SIM2: variants seen among roughly 807,000 people sequenced by gnomAD.
SIM2 encodes the protein SIM bHLH transcription factor 2, also known as single-minded homolog 2.
Under a neutral mutation model 64.8 loss-of-function variants are expected in SIM2, and 28 were observed. The observed-to-expected ratio is 0.43, with a 90% CI of 0.32 to 0.59. The LOEUF is 0.59. SIM2 is among the 20% of genes least tolerant of loss of function. SIM2 has a pLI of 0.07. For synonymous variants in SIM2, 408 were observed against 391.1 expected (o/e 1.04, Z -0.51); for missense variants, 847 against 871.4 (o/e 0.97, Z 0.35).
At chr21:36,731,733 G>T (rs371413093) in intron 7 of SIM2, among the ~76,000 whole-genome samples, 2 of 152,190 alleles carry the variant, frequency 1.3e-5, no homozygotes, top group Non-Finnish European at 2.9e-5. Context: ...ACCATTCCAC[G>T]ATGGGAGAGG....
intron 7 of SIM2, among the ~76,000 whole-genome samples, chr21:36,736,569 G>T (rs1355992596): frequency 6.6e-6 from 1 of 152,194 alleles, no homozygotes; most frequent in Non-Finnish European, 1.5e-5. Context: ...CACAGGCTTT[G>T]GGGAGCACAG....
chr21:36,744,342 G>A (rs1420313316), intron 9 of SIM2, among the ~76,000 whole-genome samples: 9 of 112,868 alleles, frequency 8.0e-5, no homozygotes, highest in Admixed American at 1.9e-4. Flanking sequence ...AGAAGGAAAA[G>A]AAAGGAAGGG....
chr21:36,737,016 T>C (rs1033987031), intron 7 of SIM2, among the ~76,000 whole-genome samples: 4 of 152,124 alleles, frequency 2.6e-5, no homozygotes, highest in African/African-American at 9.7e-5. Context: ...AACCTTGAAC[T>C]TCTGGCCTGA....
chr21:36,703,801 A>G (rs74996814), intron 1 of SIM2, among the ~76,000 whole-genome samples: 5,469 of 152,366 alleles, frequency 0.036, 92 homozygotes, highest in African/African-American at 0.044. Context: ...TGGAAACTGC[A>G]AAAGCGTCCT....
chr21:36,733,841 G>A (rs971415222), intron 7 of SIM2, among the ~76,000 whole-genome samples: 33 of 152,170 alleles, frequency 2.2e-4, no homozygotes, highest in Admixed American at 1.5e-3. Flanking sequence ...GATTACAGGC[G>A]TGAGCCACCA....
At chr21:36,746,146 C>T in intron 10 of SIM2, 1 of 288,918 alleles carries the variant, frequency 3.5e-6, no homozygotes, top group Non-Finnish European at 6.1e-6. Context: ...GAAACCCCAT[C>T]TCCACTAAAA....
intron 2 of SIM2, among the ~76,000 whole-genome samples, chr21:36,711,805 A>T (rs1420774082): frequency 6.6e-6 from 1 of 152,174 alleles, no homozygotes; most frequent in Non-Finnish European, 1.5e-5. Flanking sequence ...AAATATAATC[A>T]TTACCTTTTT....
chr21:36,735,670 T>C (rs1192214669), intron 7 of SIM2, among the ~76,000 whole-genome samples: 1 of 152,184 alleles, frequency 6.6e-6, no homozygotes, highest in East Asian at 1.9e-4. Flanking sequence ...TCTTGTGGTG[T>C]TTGGGTCCTG....
intron 7 of SIM2, among the ~76,000 whole-genome samples, chr21:36,731,759 G>T (rs2088971487): frequency 6.6e-6 from 1 of 152,206 alleles, no homozygotes; most frequent in Non-Finnish European, 1.5e-5. Context: ...TTGGGACGGG[G>T]TGAACAAACA....
intron 1 of SIM2, among the ~76,000 whole-genome samples, chr21:36,700,618 A>G (rs774645685): frequency 5.3e-5 from 8 of 151,896 alleles, no homozygotes; most frequent in Non-Finnish European, 1.0e-4. Flanking sequence ...GGTCAGCTTC[A>G]GGCGCTGCGA....
At position 36,699,328 on chromosome 21, in the gene SIM2, C is replaced by G. The variant is rs2088448525; in HGVS notation, c.-419C>G. Reference sequence around the variant, plus strand: ...CCGCGGCCACCGCCGCCCCTGTCGCCCTCCGGTCCGGAGGGGCCTTGCCGC... The same window carrying G: ...CCGCGGCCACCGCCGCCCCTGTCGCGCTCCGGTCCGGAGGGGCCTTGCCGC... On this transcript the variant is annotated 5_prime_UTR_variant, in exon 1 of 11. Coordinates refer to ENST00000290399, the MANE Select transcript of SIM2 (RefSeq NM_005069.6). This position sits in a 1 kb window ranked among gnomAD's most constrained non-coding sequence, Gnocchi z 5.6. 1 of 151,540 alleles carries G rather than the reference C, an allele frequency of 6.6e-6. No individual in the cohort carries two copies. The highest frequency in any genetic ancestry group is 2.1e-4 in the South Asian group (1 of 4,828). 9.4% of individuals were successfully genotyped at this position (151,540 alleles called of 1,614,324 possible). A position where few individuals can be genotyped will look rare whatever the true frequency, so the allele number is the denominator to read the frequency against.
At chr21:36,744,290 G>A (rs1227609705) in intron 9 of SIM2, among the ~76,000 whole-genome samples, 3 of 118,138 alleles carry the variant, frequency 2.5e-5, no homozygotes, top group Non-Finnish European at 4.9e-5. Context: ...CCAGTTGAAC[G>A]TCACGGCCTC....
intron 1 of SIM2, among the ~76,000 whole-genome samples, chr21:36,706,434 T>TG (rs1343488500): frequency 6.6e-6 from 1 of 152,128 alleles, no homozygotes; most frequent in Non-Finnish European, 1.5e-5. Flanking sequence ...TGGGGACCCC[T>TG]GGTGCTCCAA....
At chr21:36,738,917 C>A (rs1376498297) in intron 7 of SIM2, among the ~76,000 whole-genome samples, 2 of 152,266 alleles carry the variant, frequency 1.3e-5, no homozygotes, top group South Asian at 2.1e-4. Flanking sequence ...CCGGGAGAGA[C>A]CCCTCTCCAG....
chr21:36,726,069 C>G lies in SIM2; in HGVS notation c.544-50C>G. 6.6e-7 allele frequency: 1 copy of G among 1,505,870 alleles called. No individual in the cohort carries two copies. Among genetic ancestry groups the G allele is most frequent in the Non-Finnish European group, 9.2e-7 (1 of 1,088,530 alleles). 93.3% of individuals were successfully genotyped at this position (1,505,870 alleles called of 1,614,324 possible). A position where few individuals can be genotyped will look rare whatever the true frequency, so the allele number is the denominator to read the frequency against. On this transcript the variant is annotated intron_variant, in intron 5 of 10. Transcript: ENST00000290399. The surrounding 1 kb of genome is among the most constrained non-coding windows in gnomAD (Gnocchi z 4.5). ...GAAAATGAGCCAGGAGGAGTGGGCTCCAGCCCAACCCCAGTGGCCAGTGGC... is the reference window on the plus strand; with the variant it reads ...GAAAATGAGCCAGGAGGAGTGGGCTGCAGCCCAACCCCAGTGGCCAGTGGC...
rs2089271214 is a variant in SIM2, at chr21:36,748,613, AGTCATTC to A, written c.*522_*528del. 6.6e-6 allele frequency: 1 copy of A among 152,328 alleles called. No homozygotes were observed. Among genetic ancestry groups the A allele is most frequent in the South Asian group, 2.1e-4 (1 of 4,834 alleles). 9.4% of individuals were successfully genotyped at this position (152,328 alleles called of 1,614,324 possible). A position where few individuals can be genotyped will look rare whatever the true frequency, so the allele number is the denominator to read the frequency against. On this transcript the variant is annotated 3_prime_UTR_variant, in exon 11 of 11. Transcript: ENST00000290399. ...AATACACAACTCCACTGTCTTTAAA[AGTCATTC>A]AAGAGTCTCATTATTTTTGTTTTTA...
chr21:36,734,321 G>C (rs1390707941), intron 7 of SIM2, among the ~76,000 whole-genome samples: 1 of 152,166 alleles, frequency 6.6e-6, no homozygotes, highest in East Asian at 1.9e-4. Flanking sequence ...GTTGTCCAAG[G>C]GGACTCTGAA....
rs1278901251 is a variant in SIM2, at chr21:36,747,693, C to T, written c.1605C>T (p.Gly535=). 4 of 1,284,186 alleles carry T rather than the reference C, an allele frequency of 3.1e-6. No homozygotes were observed. Among genetic ancestry groups the T allele is most frequent in the Non-Finnish European group, 3.9e-6 (4 of 1,013,344 alleles). 79.5% of individuals were successfully genotyped at this position (1,284,186 alleles called of 1,614,324 possible). Residue 535 remains glycine (G), a synonymous_variant, in exon 11 of 11, where the codon GGC becomes GGT. Coordinates refer to ENST00000290399, the MANE Select transcript of SIM2 (RefSeq NM_005069.6). This position sits in a 1 kb window ranked among gnomAD's most constrained non-coding sequence, Gnocchi z 4.5. ...CCGCCGCCGCCGTGCGCAGGTTCGG[C>T]GAGGACACCGCGCCCCCGAGCTTCC... ...EAPAAAVRRF[G]EDTAPPSFPS...
At chr21:36,725,003 G>C (rs1226914092) in intron 5 of SIM2, among the ~76,000 whole-genome samples, 1 of 152,030 alleles carries the variant, frequency 6.6e-6, no homozygotes, top group Non-Finnish European at 1.5e-5. Flanking sequence ...ATAAAATCTT[G>C]AATTATAAAT....
Sources: allele counts gnomAD v4.1 joint callset (sites outside exome capture counted in the v4.1 genomes callset), GRCh38; gene constraint gnomAD v4.1.1; non-coding constraint Gnocchi (gnomAD v3.1); transcripts MANE v1.5; gene names NCBI Gene and HGNC (gene_info 2026-07-23, HGNC 2026-07-21).